DMD: variants seen among roughly 807,000 people sequenced by gnomAD.
DMD encodes the protein mutant dystrophin.
A neutral mutation model predicts 330.1 loss-of-function variants in DMD; 63 were observed. The observed-to-expected ratio is 0.19, with a 90% confidence interval of 0.16 to 0.24. DMD has a LOEUF of 0.24. Among genes scored for constraint, DMD ranks in the 10% least tolerant of loss-of-function variants. The pLI, the probability that DMD is intolerant of heterozygous loss-of-function variation, is 1.00. For synonymous variants in DMD, 1,223 were observed against 959.8 expected, an observed-to-expected ratio of 1.27 and a Z score of -5.07; for missense variants, 3,344 against 2,684.1, an observed-to-expected ratio of 1.25 and a Z score of -5.43.
At chrX:32,680,440 G>C (rs955538495) in intron 9 of DMD, among the ~76,000 whole-genome samples, 1 of 111,026 alleles carries the variant, frequency 9.0e-6, no homozygotes, top group Non-Finnish European at 1.9e-5. Context: ...ACTGAGTAGA[G>C]TAAGTTTCTC....
In DMD at chrX:31,957,688, T is replaced by C. The variant is rs1252579285; in HGVS notation, c.6614+10651A>G. ...ATATTTTAATTCAAATTAACCTTTGTAGAAAAAATCACATTATAATAAATT... is the reference window on the plus strand; with the variant it reads ...ATATTTTAATTCAAATTAACCTTTGCAGAAAAAATCACATTATAATAAATT... On this transcript the variant is annotated intron_variant, in intron 45 of 78. Transcript: ENST00000357033. 1.8e-5 allele frequency among the ~76,000 whole-genome samples: 2 copies of C among 112,155 alleles called. 1 individual carries two copies. The highest frequency in any genetic ancestry group is 5.6e-4 in the East Asian group (2 of 3,595).
At chrX:33,120,619 G>A (rs746405972) in intron 1 of DMD, among the ~76,000 whole-genome samples, 133 of 111,130 alleles carry the variant, frequency 1.2e-3, no homozygotes, top group African/African-American at 4.0e-3. Context: ...AGTGGCTCAC[G>A]CCTGTAATCC....
At chrX:32,527,989 G>T (rs766688961) in intron 17 of DMD, among the ~76,000 whole-genome samples, 1 of 112,158 alleles carries the variant, frequency 8.9e-6, no homozygotes, top group East Asian at 2.8e-4. Flanking sequence ...TGCTTTAAAT[G>T]TAAAGTAAAT....
chrX:32,529,588 C>T (rs1261754062), intron 17 of DMD, among the ~76,000 whole-genome samples: 1 of 108,201 alleles, frequency 9.2e-6, no homozygotes, highest in Non-Finnish European at 1.9e-5. Context: ...TCTGGGTCTA[C>T]AATACAAATG....
At chrX:32,938,268 T>G (rs2090157219) in intron 2 of DMD, among the ~76,000 whole-genome samples, 1 of 111,387 alleles carries the variant, frequency 9.0e-6, no homozygotes, top group African/African-American at 3.3e-5. Context: ...ATTTATCGGG[T>G]TTGGGGTTGG....
intron 16 of DMD, among the ~76,000 whole-genome samples, chrX:32,548,535 T>A (rs374124030): frequency 8.9e-6 from 1 of 111,744 alleles, no homozygotes; most frequent in African/African-American, 3.2e-5. Flanking sequence ...GATGGAGTAT[T>A]ATATTTCAAA....
intron 11 of DMD, among the ~76,000 whole-genome samples, chrX:32,630,319 T>A (rs1350176288): frequency 9.0e-6 from 1 of 111,217 alleles, no homozygotes; most frequent in Non-Finnish European, 1.9e-5. Flanking sequence ...GCTATTTCTA[T>A]GTGATTTTTT....
intron 7 of DMD, among the ~76,000 whole-genome samples, chrX:32,758,047 T>C (rs983670357): frequency 1.4e-4 from 16 of 112,075 alleles, no homozygotes; most frequent in African/African-American, 4.5e-4. Flanking sequence ...CCAGGCAAGG[T>C]TGAGGTACAG....
intron 2 of DMD, among the ~76,000 whole-genome samples, chrX:33,009,713 T>C (rs1223272328): frequency 9.1e-5 from 6 of 66,257 alleles, no homozygotes; most frequent in Non-Finnish European, 3.0e-5. Flanking sequence ...TACGTATATG[T>C]GTATATGTGT....
chrX:32,132,998 T>C (rs5972494), intron 44 of DMD, among the ~76,000 whole-genome samples: 478 of 5,385 alleles, frequency 0.089, 12 homozygotes, highest in East Asian at 0.33. Context: ...CTTTTCTTTT[T>C]TTTTTTTTTT....
intron 55 of DMD, among the ~76,000 whole-genome samples, chrX:31,619,819 G>A (rs1172318725): frequency 3.6e-5 from 4 of 111,905 alleles, no homozygotes; most frequent in East Asian, 2.8e-4. Context: ...ACATGTTTAC[G>A]TATGAATGAG....
At chrX:32,032,539 A>G (rs1213890472) in intron 44 of DMD, among the ~76,000 whole-genome samples, 2 of 111,677 alleles carry the variant, frequency 1.8e-5, no homozygotes, top group African/African-American at 6.5e-5. Flanking sequence ...AGCACATGGA[A>G]AGCGCTTAGA....
chrX:31,162,510 C>T (rs1006921784), intron 74 of DMD, among the ~76,000 whole-genome samples: 3 of 110,139 alleles, frequency 2.7e-5, no homozygotes, highest in Non-Finnish European at 5.7e-5. Context: ...AAGCAGTCCT[C>T]ACAAACATCC....
intron 1 of DMD, among the ~76,000 whole-genome samples, chrX:33,296,779 C>CA (rs2148934587): frequency 9.0e-6 from 1 of 110,687 alleles, no homozygotes; most frequent in African/African-American, 3.3e-5. Flanking sequence ...AAGGAAGACA[C>CA]AAAAAATAGT....
At chrX:33,324,958 T>G (rs1322247530) in intron 1 of DMD, among the ~76,000 whole-genome samples, 2 of 111,886 alleles carry the variant, frequency 1.8e-5, no homozygotes, top group East Asian at 5.6e-4. Flanking sequence ...GTTCATTTAT[T>G]AATTATGCAA....
At chrX:32,493,676 C>T (rs1240682146) in intron 19 of DMD, among the ~76,000 whole-genome samples, 3 of 110,882 alleles carry the variant, frequency 2.7e-5, no homozygotes, top group East Asian at 2.8e-4. Flanking sequence ...ATGAGCACTC[C>T]GTTTGAAAAA....
chrX:31,141,237 A>C (rs182154685), intron 76 of DMD, among the ~76,000 whole-genome samples: 18 of 105,990 alleles, frequency 1.7e-4, no homozygotes, highest in East Asian at 5.7e-4. Context: ...ACAACAACAA[A>C]ACCAGAATGA....
At chrX:31,564,374 T>G (rs2075359729) in intron 55 of DMD, among the ~76,000 whole-genome samples, 1 of 111,636 alleles carries the variant, frequency 9.0e-6, no homozygotes, top group Non-Finnish European at 1.9e-5. Context: ...CTACCATTAA[T>G]GTAAAGATGC....
At chrX:32,800,378 A>T (rs1033571583) in intron 7 of DMD, among the ~76,000 whole-genome samples, 1 of 109,158 alleles carries the variant, frequency 9.2e-6, no homozygotes, top group African/African-American at 3.5e-5. Flanking sequence ...AAAAATTCTT[A>T]TGAGTTATTA....
Sources: gnomAD v4.1 joint callset for allele counts (sites outside exome capture counted in the v4.1 genomes callset) on GRCh38, gnomAD v4.1.1 for gene constraint, MANE v1.5 for transcripts, NCBI Gene and HGNC (gene_info 2026-07-23, HGNC 2026-07-21) for gene names.